The following STARD13 variants were observed in gnomAD, a reference collection of about 807,000 sequenced individuals.
The protein encoded by STARD13 is stAR-related lipid transfer protein 13.
STARD13 carries 62 observed loss-of-function variants against 106.4 expected under a neutral mutation model. The observed-to-expected ratio is 0.58, with a 90% confidence interval of 0.48 to 0.72. The LOEUF (loss-of-function observed/expected upper bound fraction) is 0.72, where lower values mean the gene tolerates loss of function less well. Among genes scored for constraint, STARD13 ranks in the 30% least tolerant of loss-of-function variants. The pLI, the probability that STARD13 is intolerant of heterozygous loss-of-function variation, is 0.00. For synonymous variants in STARD13, 565 were observed against 553.0 expected, an observed-to-expected ratio of 1.02 and a Z score of -0.31; for missense variants, 1,387 against 1,424.0, an observed-to-expected ratio of 0.97 and a Z score of 0.42.
At chr13:33,180,913 C>A (rs1885166428) in intron 1 of STARD13, among the ~76,000 whole-genome samples, 1 of 152,042 alleles carries the variant, frequency 6.6e-6, no homozygotes. Flanking sequence ...AAGTAAATAT[C>A]GACACATAAT....
At chr13:33,195,117 A>G (rs149975585) in intron 1 of STARD13, among the ~76,000 whole-genome samples, 1 of 152,350 alleles carries the variant, frequency 6.6e-6, no homozygotes, top group East Asian at 1.9e-4. Flanking sequence ...ATCATGTTCA[A>G]TGAGAATACA....
At chr13:33,139,452 C>A (rs1303936113) in intron 4 of STARD13, among the ~76,000 whole-genome samples, 1 of 152,208 alleles carries the variant, frequency 6.6e-6, no homozygotes, top group Non-Finnish European at 1.5e-5. Context: ...ACCTGCAACC[C>A]TTTCATAGGT....
the STARD13 span, among the ~76,000 whole-genome samples, chr13:33,456,072 C>T: frequency 1.1e-4 from 16 of 152,164 alleles, no homozygotes; most frequent in Admixed American, 1.0e-3. Context: ...GGAACACAGC[C>T]ATGAGCATTT....
intron 1 of STARD13, among the ~76,000 whole-genome samples, chr13:33,281,806 T>C (rs1172427145): frequency 6.6e-6 from 1 of 152,296 alleles, no homozygotes; most frequent in Non-Finnish European, 1.5e-5. Flanking sequence ...TGAATGGTGG[T>C]TGCCAAAGGC....
chr13:33,380,829 G>A, the STARD13 span, among the ~76,000 whole-genome samples: 1 of 152,144 alleles, frequency 6.6e-6, no homozygotes, highest in Non-Finnish European at 1.5e-5. Flanking sequence ...GGTGGGGAAG[G>A]GGGGTGTGTT....
chr13:33,382,939 C>T, the STARD13 span, among the ~76,000 whole-genome samples: 9 of 152,280 alleles, frequency 5.9e-5, no homozygotes, highest in African/African-American at 2.2e-4. Flanking sequence ...TGATATCTAG[C>T]TTCCAGGCAG....
At chr13:33,643,864 C>T in the STARD13 span, among the ~76,000 whole-genome samples, 1 of 152,244 alleles carries the variant, frequency 6.6e-6, no homozygotes, top group African/African-American at 2.4e-5. Context: ...AGATTCTAGA[C>T]ATCTGCTGAG....
chr13:33,348,220 C>G (rs2078036988), downstream of STARD13, among the ~76,000 whole-genome samples: 1 of 152,192 alleles, frequency 6.6e-6, no homozygotes, highest in Non-Finnish European at 1.5e-5. Flanking sequence ...AATTGCACTA[C>G]TCTTGAGAGC....
intron 1 of STARD13, among the ~76,000 whole-genome samples, chr13:33,216,075 C>T (rs968884330): frequency 2.0e-5 from 3 of 151,966 alleles, no homozygotes; most frequent in Admixed American, 6.6e-5. Context: ...TAGATGTTGG[C>T]GTGGATGCGA....
At chr13:33,296,054 C>T (rs925359242) in intron 1 of STARD13, among the ~76,000 whole-genome samples, 3 of 150,990 alleles carry the variant, frequency 2.0e-5, no homozygotes, top group Non-Finnish European at 2.9e-5. Flanking sequence ...AACCTCGTCT[C>T]TACTTAAAAA....
rs77180369 is a variant in STARD13 at position 33,141,851 on chromosome 13, C to A, written c.387+459G>T. On this transcript the variant is annotated intron_variant, in intron 4 of 13. Transcript: ENST00000336934. Reference sequence around the variant, plus strand: ...ACTTCTGAAAGATCACCATAAAGCACCGAGATATTTTACATCTTTACGCAA... The same window carrying A: ...ACTTCTGAAAGATCACCATAAAGCAACGAGATATTTTACATCTTTACGCAA... Among the ~76,000 whole-genome samples the A allele has an allele frequency of 1.4e-3, 216 of 151,430 alleles. 6 individuals carry two copies. In the East Asian group the frequency reaches 0.034, roughly 24 times the overall value.
intron 3 of STARD13, among the ~76,000 whole-genome samples, chr13:33,151,372 G>T (rs1881258866): frequency 6.6e-6 from 1 of 152,296 alleles, no homozygotes; most frequent in Non-Finnish European, 1.5e-5. Flanking sequence ...AAGAGAGGGT[G>T]TGCATACCAC....
intron 1 of STARD13, chr13:33,280,280 A>T (rs1891708224): frequency 6.6e-6 from 1 of 152,190 alleles, no homozygotes; most frequent in Non-Finnish European, 1.5e-5. Context: ...ACTCATGCCC[A>T]CTGGCATTCT....
the STARD13 span, among the ~76,000 whole-genome samples, chr13:33,538,342 A>T: frequency 5.3e-5 from 8 of 152,328 alleles, no homozygotes; most frequent in Non-Finnish European, 1.0e-4. Context: ...GAAGCTGAGA[A>T]GAGATTGCTT....
At chr13:33,212,301 A>C (rs1887767961) in intron 1 of STARD13, among the ~76,000 whole-genome samples, 1 of 152,226 alleles carries the variant, frequency 6.6e-6, no homozygotes, top group Non-Finnish European at 1.5e-5. Context: ...AGTAGAATTT[A>C]AGTGTCTTAC....
At chr13:33,267,569 AGCACC>A (rs2138346291) in intron 1 of STARD13, among the ~76,000 whole-genome samples, 1 of 152,322 alleles carries the variant, frequency 6.6e-6, no homozygotes, top group African/African-American at 2.4e-5. Flanking sequence ...AGGACCTGAG[AGCACC>A]TGACACAGAG....
chr13:33,392,929 T>C, the STARD13 span, among the ~76,000 whole-genome samples: 1 of 152,238 alleles, frequency 6.6e-6, no homozygotes, highest in African/African-American at 2.4e-5. Context: ...AAATGTAGAA[T>C]TGCGCTTTGT....
At chr13:33,272,722 C>T (rs566230501) in intron 1 of STARD13, 1 of 152,362 alleles carries the variant, frequency 6.6e-6, no homozygotes, top group Non-Finnish European at 1.5e-5. Context: ...CAACGTCATT[C>T]CTGGCATTAT....
chr13:33,137,709 T>C (rs956592035), intron 4 of STARD13, among the ~76,000 whole-genome samples: 3 of 152,166 alleles, frequency 2.0e-5, no homozygotes, highest in Admixed American at 6.5e-5. Context: ...AATCCTGCAG[T>C]GAGTGAGTGG....
Sources: gnomAD v4.1 joint callset for allele counts (sites outside exome capture counted in the v4.1 genomes callset) on GRCh38, gnomAD v4.1.1 for gene constraint, MANE v1.5 for transcripts, NCBI Gene and HGNC (gene_info 2026-07-23, HGNC 2026-07-21) for gene names.